Variants in METTL5 observed in about 807,000 individuals in gnomAD.
The protein encoded by METTL5 is rRNA N(6)-adenosine-methyltransferase METTL5.
A neutral mutation model predicts 26.5 loss-of-function variants in METTL5; 28 were observed. The observed-to-expected ratio is 1.06, with a 90% CI of 0.78 to 1.45. The LOEUF is 1.45. METTL5 is among the 40% of genes most tolerant of loss of function. The pLI, the probability that METTL5 is intolerant of heterozygous loss-of-function variation, is 0.00. For missense variants in METTL5, 231 were observed against 249.9 expected, an observed-to-expected ratio of 0.92 and a Z score of 0.51; for synonymous variants, 86 against 82.6, an observed-to-expected ratio of 1.04 and a Z score of -0.22.
At chr2:169,816,784 A>G (rs1327137104) in intron 4 of METTL5, among the ~76,000 whole-genome samples, 12 of 152,238 alleles carry the variant, frequency 7.9e-5, no homozygotes, top group Admixed American at 7.9e-4. Context: ...TACACCTTAC[A>G]TGAAAATTAA....
intron 6 of METTL5, 65 bp from the exon 7 acceptor site, chr2:169,811,923 TTGAA>T: frequency 6.6e-7 from 1 of 1,523,792 alleles, no homozygotes; most frequent in South Asian, 1.2e-5. Flanking sequence ...TGAGATTTCT[TTGAA>T]TGTATTGTTC....
At position 169,812,321 on chromosome 2, in the gene METTL5, AC is replaced by A; in HGVS notation, c.591+135del. ...AGTGGGGCAATCTCAGCTCACTGCAACCTCTGCCTCCTGAGTTCAAGCGATT... is the reference window on the plus strand; with the variant it reads ...AGTGGGGCAATCTCAGCTCACTGCAACTCTGCCTCCTGAGTTCAAGCGATT... On this transcript the variant is annotated intron_variant, in intron 6 of 6. Transcript: ENST00000260953. 4 of 1,489,656 alleles carry A rather than the reference AC, an allele frequency of 2.7e-6. No individual in the cohort carries two copies. In the South Asian group the frequency reaches 3.4e-5, roughly 13 times the overall value. 92.3% of individuals were successfully genotyped at this position (1,489,656 alleles called of 1,614,324 possible).
chr2:169,813,648 A>C (rs894670645), intron 5 of METTL5, among the ~76,000 whole-genome samples: 1 of 151,474 alleles, frequency 6.6e-6, no homozygotes, highest in African/African-American at 2.4e-5. Flanking sequence ...TGAGGTGAAG[A>C]GTTCAAGACC....
intron 1 of METTL5, among the ~76,000 whole-genome samples, chr2:169,822,592 T>A: frequency 6.6e-6 from 1 of 151,942 alleles, no homozygotes; most frequent in Non-Finnish European, 1.5e-5. Context: ...AGACATAGAA[T>A]CTTTTTTTTT....
intron 4 of METTL5, among the ~76,000 whole-genome samples, chr2:169,818,799 T>C (rs2081544049): frequency 6.6e-6 from 1 of 152,208 alleles, no homozygotes; most frequent in Non-Finnish European, 1.5e-5. Flanking sequence ...CAGACACTGA[T>C]CTAAGTGCTT....
chr2:169,814,156 AAAAGAT>A (rs1054375874), intron 5 of METTL5, among the ~76,000 whole-genome samples: 4 of 152,208 alleles, frequency 2.6e-5, no homozygotes, highest in African/African-American at 9.6e-5. Flanking sequence ...ATTTAGAAGA[AAAAGAT>A]AAATGTTATT....
chr2:169,812,250 T>TC (rs1689988635), intron 6 of METTL5: 1 of 729,084 alleles, frequency 1.4e-6, no homozygotes, highest in Admixed American at 3.1e-5. Flanking sequence ...CCTTTTTTTT[T>TC]CTTTTTCGAG....
chr2:169,821,669 A>G (rs1263885019), intron 2 of METTL5, among the ~76,000 whole-genome samples: 1 of 152,210 alleles, frequency 6.6e-6, no homozygotes, highest in African/African-American at 2.4e-5. Context: ...TACAGGCATG[A>G]GCCACTGTGC....
At position 169,811,877 on chromosome 2, in the gene METTL5, T is replaced by A. The variant is rs768611012; in HGVS notation, c.592-19A>T. On this transcript the variant is annotated intron_variant, in intron 6 of 6. Transcript: ENST00000260953. Reference sequence around the variant, plus strand: ...TGTCCACCTGTGAGAAAGGAAAAATTTTTTTGTTGTTTAACTTGTCTTTTT... The same window carrying A: ...TGTCCACCTGTGAGAAAGGAAAAATATTTTTGTTGTTTAACTTGTCTTTTT... 1 of 1,612,030 alleles carries A rather than the reference T, an allele frequency of 6.2e-7. No individual in the cohort carries two copies.
Position 169,819,548 on chromosome 2 carries a change from G to A in METTL5, c.489+13C>T. The A allele has an allele frequency of 6.3e-7, 1 of 1,582,178 alleles. No individual in the cohort carries two copies. The highest frequency in any genetic ancestry group is 8.7e-7 in the Non-Finnish European group (1 of 1,153,698). On this transcript the variant is annotated intron_variant, in intron 4 of 6. Transcript: ENST00000260953. ...AAATCAATGCCACAGAATATCAGAT[G>A]ATTTGAACTTACTTCTCTAGTTGAG...
chr2:169,813,745 C>G (rs1264139238), intron 5 of METTL5, among the ~76,000 whole-genome samples: 1 of 151,520 alleles, frequency 6.6e-6, no homozygotes, highest in Non-Finnish European at 1.5e-5. Context: ...GCCTGTAGTC[C>G]CAGCTAGTTG....
intron 1 of METTL5, among the ~76,000 whole-genome samples, chr2:169,823,242 G>T (rs1214177384): frequency 6.6e-6 from 1 of 151,978 alleles, no homozygotes; most frequent in Non-Finnish European, 1.5e-5. Context: ...CTCCCAAAGT[G>T]CTGGGATTAT....
intron 1 of METTL5, 70 bp from the exon 2 acceptor site, chr2:169,822,127 T>C: frequency 5.2e-6 from 8 of 1,530,438 alleles, no homozygotes; most frequent in Non-Finnish European, 3.5e-6. Context: ...CAAATGACTC[T>C]TTCTAAAATA....
rs745469280 is a variant in METTL5 at position 169,815,498 on chromosome 2, T to G, written c.520A>C (p.Ile174Leu). The part of the protein sequence containing the change: ...HVQKKAAEWK[I>L]KIDIIAELRY... ...TTACCTGCTATAATATCTATCTTGA[T>G]TTTCCATTCTGCAGCTTTCTTTTGA... The change falls in exon 5 of 7, where the codon ATC becomes CTC. Residue 174 changes from isoleucine (I) to leucine (L), a missense_variant. Coordinates refer to ENST00000260953, the MANE Select transcript of METTL5 (RefSeq NM_014168.4). 10 of 1,604,194 alleles carry G rather than the reference T, an allele frequency of 6.2e-6. No homozygotes were observed. In the South Asian group the frequency reaches 1.1e-4, roughly 18 times the overall value.
chr2:169,812,576 A>C, intron 5 of METTL5, 70 bp from the exon 6 acceptor site: 1 of 1,513,424 alleles, frequency 6.6e-7, no homozygotes, highest in Non-Finnish European at 9.0e-7. Context: ...CTAAACAACA[A>C]CAACAACAAA....
In METTL5 at chr2:169,824,498, GCGGCCT is replaced by G. The variant is rs2081626517; in HGVS notation, c.94_99del (p.Arg32_Pro33del). On this transcript the variant is annotated inframe_deletion, in exon 1 of 7. Coordinates refer to ENST00000260953, the MANE Select transcript of METTL5 (RefSeq NM_014168.4). ...GAACCAGCCGCCCTACCTGCAATGTGCGGCCTGGTAGGATACTGTTCCAGAAGTAGC... is the reference window on the plus strand; with the variant it reads ...GAACCAGCCGCCCTACCTGCAATGTGGGTAGGATACTGTTCCAGAAGTAGC... The G allele has an allele frequency of 1.2e-6, 2 of 1,613,790 alleles. No individual in the cohort carries two copies. Among genetic ancestry groups the G allele is most frequent in the Non-Finnish European group, 1.7e-6 (2 of 1,179,788 alleles).
At chr2:169,821,367 C>CT in intron 2 of METTL5, 94 bp from the exon 3 acceptor site, 1 of 882,462 alleles carries the variant, frequency 1.1e-6, no homozygotes, top group Non-Finnish European at 1.7e-6. Context: ...AACCATATAT[C>CT]TTTTTAACCC....
chr2:169,814,119 T>C (rs1002293661), intron 5 of METTL5, among the ~76,000 whole-genome samples: 1 of 152,120 alleles, frequency 6.6e-6, no homozygotes, highest in African/African-American at 2.4e-5. Flanking sequence ...GTAATAAAAA[T>C]GTATCAAACA....
intron 4 of METTL5, among the ~76,000 whole-genome samples, chr2:169,817,951 A>G (rs989573197): frequency 6.6e-6 from 1 of 152,180 alleles, no homozygotes; most frequent in Admixed American, 6.5e-5. Context: ...TGCAGAAAAG[A>G]GTTCACAGCA....
Sources: gnomAD v4.1 joint callset for allele counts (sites outside exome capture counted in the v4.1 genomes callset) on GRCh38, gnomAD v4.1.1 for gene constraint, MANE v1.5 for transcripts, NCBI Gene and HGNC (gene_info 2026-07-23, HGNC 2026-07-21) for gene names.